Variants in BAP1 observed in about 807,000 individuals in gnomAD.
The protein encoded by BAP1 is BRCA1 associated deubiquitinase 1, also known as ubiquitin carboxyl-terminal hydrolase BAP1.
A neutral mutation model predicts 77.2 loss-of-function variants in BAP1; 16 were observed. The observed-to-expected ratio is 0.21, with a 90% CI of 0.14 to 0.31. BAP1 has a LOEUF of 0.31. Among genes scored for constraint, BAP1 ranks in the 10% least tolerant of loss-of-function variants. The pLI is 1.00. For missense variants in BAP1, 699 were observed against 967.3 expected, an observed-to-expected ratio of 0.72 and a Z score of 3.68; for synonymous variants, 362 against 385.2, an observed-to-expected ratio of 0.94 and a Z score of 0.71.
chr3:52,401,949 G>A lies in BAP1; in HGVS notation c.*339C>T, dbSNP rs1024354241. 4.5e-6 allele frequency: 2 copies of A among 445,436 alleles called. No individual in the cohort carries two copies. Among genetic ancestry groups the A allele is most frequent in the African/African-American group, 3.9e-5 (2 of 51,564 alleles). The allele number at this position is 445,436 out of a possible 1,614,324, so 27.6% of individuals were successfully genotyped here. On this transcript the variant is annotated 3_prime_UTR_variant, in exon 17 of 17. Coordinates refer to ENST00000460680, the MANE Select transcript of BAP1 (RefSeq NM_004656.4). The stretch of plus-strand genomic sequence containing the variant: ...CAACATGGTGGCATGTTGGGTTGGA[G>A]CCCAGAAAAATAGATGTCTCTGATA...
In BAP1 at chr3:52,402,765, G is replaced by A. The variant is rs771378046; in HGVS notation, c.1983+14C>T. 1.2e-6 allele frequency: 2 copies of A among 1,614,210 alleles called. No individual in the cohort carries two copies. The highest frequency in any genetic ancestry group is 1.7e-6 in the Non-Finnish European group (2 of 1,180,040). ...CGGGAGAGGCCAGATCAGGCAACTG[G>A]AGAAATCACCCACCTTGAACTTCTT... On this transcript the variant is annotated intron_variant, in intron 15 of 16. Transcript: ENST00000460680. This position sits in a 1 kb window ranked among gnomAD's most constrained non-coding sequence, Gnocchi z 5.3.
rs753373047 is a variant in BAP1 at position 52,403,608 on chromosome 3, A to G, written c.1537T>C (p.Ser513Pro). Reference sequence around the variant, plus strand: ...CTGGAGGGCCGCGTCGGGTTGGCTGAGCGGATAGGCGAGCGCAGTGGCGAG... The same window carrying G: ...CTGGAGGGCCGCGTCGGGTTGGCTGGGCGGATAGGCGAGCGCAGTGGCGAG... ...FNSPLRSPIR[S>P]ANPTRPSSPV... Residue 513 changes from serine to proline, a missense_variant, in exon 13 of 17, where the codon TCA becomes CCA. By Grantham distance (74) the Ser-to-Pro change is moderately conservative. This residue lies in a region of BAP1 where 475 missense variants were observed against 532.4 expected (regional missense o/e 0.89). Coordinates refer to ENST00000460680, the MANE Select transcript of BAP1 (RefSeq NM_004656.4). The surrounding 1 kb of genome is among the most constrained non-coding windows in gnomAD (Gnocchi z 4.0). The G allele has an allele frequency of 1.2e-6, 2 of 1,614,138 alleles. No individual in the cohort carries two copies. The highest frequency in any genetic ancestry group is 2.2e-5 in the South Asian group (2 of 91,082).
In BAP1 at chr3:52,409,762, G is replaced by A. The variant is rs774185001; in HGVS notation, c.38-19C>T. 1 of 1,613,740 alleles carries A rather than the reference G, an allele frequency of 6.2e-7. No homozygotes were observed. Among genetic ancestry groups the A allele is most frequent in the Non-Finnish European group, 8.5e-7 (1 of 1,179,898 alleles). ...AAGAGGCCTGGGTGGGGCGACAAGA[G>A]GAGGGGGTGATGGTCAGGCAGGCGC... is the stretch of plus-strand genomic sequence containing the variant. On this transcript the variant is annotated intron_variant, in intron 1 of 16. Transcript: ENST00000460680.
intron 10 of BAP1, chr3:52,405,502 A>C (rs1162444278): frequency 5.4e-5 from 32 of 595,692 alleles, no homozygotes; most frequent in East Asian, 3.9e-4. Flanking sequence ...GAAAAAAAAA[A>C]AAAAAAAAAA....
chr3:52,409,765 G>A (rs372533362), intron 1 of BAP1, 22 bp from the exon 2 acceptor site: 1 of 1,613,686 alleles, frequency 6.2e-7, no homozygotes, highest in African/African-American at 1.3e-5. Flanking sequence ...GACAAGAGGA[G>A]GGGGTGATGG....
chr3:52,408,613 G>A lies in BAP1; in HGVS notation c.123-7C>T, dbSNP rs1377492822. 1 of 1,607,970 alleles carries A rather than the reference G, an allele frequency of 6.2e-7. No individual in the cohort carries two copies. Among genetic ancestry groups the A allele is most frequent in the Non-Finnish European group, 8.5e-7 (1 of 1,177,272 alleles). ...GATAAATCCATATACAGGGCTGGGG[G>A]AAGTAAGGGGCAGAGCCAGATCAGC... is the stretch of plus-strand genomic sequence containing the variant. On this transcript the variant is annotated splice_region_variant and splice_polypyrimidine_tract_variant and intron_variant, in intron 3 of 16. Transcript: ENST00000460680.
chr3:52,409,460 G>T, intron 3 of BAP1, 94 bp downstream of exon 3: 3 of 1,509,102 alleles, frequency 2.0e-6, no homozygotes, highest in Non-Finnish European at 2.8e-6. Flanking sequence ...ACAACGTAGG[G>T]TTCCTGGCAC....
Position 52,402,831 on chromosome 3 carries a change from G to A in BAP1, c.1931C>T (p.Ala644Val), listed in dbSNP as rs551399575. 44 of 1,614,070 alleles carry A rather than the reference G, an allele frequency of 2.7e-5. No homozygotes were observed. Among genetic ancestry groups the A allele is most frequent in the Non-Finnish European group, 3.7e-5 (44 of 1,180,042 alleles). Residue 644 changes from alanine (A) to valine (V), a missense_variant, in exon 15 of 17, where the codon GCA (alanine) becomes GTA (valine). Physicochemically the swap from Ala to Val is moderately conservative, Grantham distance 64 (BLOSUM62 0). This residue lies in a region of BAP1 where 475 missense variants were observed against 532.4 expected (regional missense o/e 0.89). Coordinates refer to ENST00000460680, the MANE Select transcript of BAP1 (RefSeq NM_004656.4). The surrounding 1 kb of genome is among the most constrained non-coding windows in gnomAD (Gnocchi z 5.3). ...CTCCTTGAGGCACGCCTCATAGTTT[G>A]CAATCTCAGCCTCCACACACTTCAG... ...ALLKCVEAEI[A>V]NYEACLKEEV...
Position 52,402,529 on chromosome 3 carries a change from G to T in BAP1, c.2056+73C>A, listed in dbSNP as rs1275401835. 1.9e-6 allele frequency: 3 copies of T among 1,612,086 alleles called. No individual in the cohort carries two copies. Among genetic ancestry groups the T allele is most frequent in the Non-Finnish European group, 2.5e-6 (3 of 1,178,606 alleles). ...AAGGTCTGCTCAAGCCTCAGGAGAG[G>T]CCAGGGGAGGGGAGCTGAAGGACAC... is the stretch of plus-strand genomic sequence containing the variant. On this transcript the variant is annotated intron_variant, in intron 16 of 16. Coordinates refer to ENST00000460680, the MANE Select transcript of BAP1 (RefSeq NM_004656.4). The surrounding 1 kb of genome is among the most constrained non-coding windows in gnomAD (Gnocchi z 5.3).
rs761912129 is a variant in BAP1 at position 52,409,763 on chromosome 3, G to A, written c.38-20C>T. On this transcript the variant is annotated intron_variant, in intron 1 of 16. Transcript: ENST00000460680. The stretch of plus-strand genomic sequence containing the variant: ...AGAGGCCTGGGTGGGGCGACAAGAG[G>A]AGGGGGTGATGGTCAGGCAGGCGCG... 3 of 1,613,766 alleles carry A rather than the reference G, an allele frequency of 1.9e-6. No homozygotes were observed. The highest frequency in any genetic ancestry group is 1.1e-5 in the South Asian group (1 of 91,074).
chr3:52,403,862 GC>G lies in BAP1; in HGVS notation c.1282del (p.Ala428HisfsTer2). ...YKGKGTGKPG[A>X]LSGSADGQLS... is the part of the protein sequence containing the mutation. Reference sequence around the variant, plus strand: ...TTGCCCATCAGCAGAACCGCTCAATGCCCCTGGCTTCCCTGTTCCCTTCCCC... The same window carrying G: ...TTGCCCATCAGCAGAACCGCTCAATGCCCTGGCTTCCCTGTTCCCTTCCCC... On this transcript the variant is annotated frameshift_variant, in exon 13 of 17. Transcript: ENST00000460680. LOFTEE classifies it high-confidence loss of function. This position sits in a 1 kb window ranked among gnomAD's most constrained non-coding sequence, Gnocchi z 4.0. 6.2e-7 allele frequency: 1 copy of G among 1,614,092 alleles called. No individual in the cohort carries two copies. Among genetic ancestry groups the G allele is most frequent in the Non-Finnish European group, 8.5e-7 (1 of 1,180,020 alleles).
At position 52,408,012 on chromosome 3, in the gene BAP1, G is replaced by C. The variant is rs1705220829; in HGVS notation, c.321C>G (p.Asp107Glu). 6.2e-7 allele frequency: 1 copy of C among 1,613,912 alleles called. No homozygotes were observed. The highest frequency in any genetic ancestry group is 1.1e-5 in the South Asian group (1 of 90,992). The part of the protein sequence containing the change: ...LSVLLNCSSV[D>E]LGPTLSRMKD... Reference sequence around the variant, plus strand: ...TCATGCGACTCAGGGTGGGTCCCAGGTCCACGCTGCTGCAGTTCAGGAGCA... The same window carrying C: ...TCATGCGACTCAGGGTGGGTCCCAGCTCCACGCTGCTGCAGTTCAGGAGCA... Residue 107 changes from aspartate to glutamate, a missense_variant, in exon 5 of 17, where the codon GAC becomes GAG. Physicochemically the swap from Asp to Glu is conservative, Grantham distance 45 (BLOSUM62 2). This residue lies in a region of BAP1 where 160 missense variants were observed against 322.8 expected (regional missense o/e 0.50). Transcript: ENST00000460680.
chr3:52,409,517 T>C (rs781517578), intron 3 of BAP1, 37 bp downstream of exon 3: 3 of 1,613,396 alleles, frequency 1.9e-6, no homozygotes, highest in East Asian at 2.2e-5. Flanking sequence ...CCCAGCACTC[T>C]GGGTGTAAGG....
rs1407261660 is a variant in BAP1, at chr3:52,406,845, C to T, written c.643G>A (p.Gly215Ser). Residue 215 changes from glycine (G) to serine (S), a missense_variant, in exon 8 of 17, where the codon GGC (glycine) becomes AGC (serine). Around this residue, in one of 3 missense-constraint regions of BAP1, gnomAD observed 160 missense variants for 322.8 expected, o/e 0.50. Coordinates refer to ENST00000460680, the MANE Select transcript of BAP1 (RefSeq NM_004656.4). The surrounding 1 kb of genome is among the most constrained non-coding windows in gnomAD (Gnocchi z 4.6). The stretch of plus-strand genomic sequence containing the variant: ...GGCCCTTACCCTGCAGTGGCGAGGC[C>T]GATACGCTCCATGATGACCCGCCGG... ...KARRVIMERIGLATAGEPYHD... is the reference protein window; with the variant it reads ...KARRVIMERISLATAGEPYHD... The T allele has an allele frequency of 6.4e-7, 1 of 1,559,038 alleles. No individual in the cohort carries two copies.
rs549585391 is a variant in BAP1 at position 52,406,670 on chromosome 3, C to T, written c.659+159G>A. On this transcript the variant is annotated intron_variant, in intron 8 of 16. Coordinates refer to ENST00000460680, the MANE Select transcript of BAP1 (RefSeq NM_004656.4). This position sits in a 1 kb window ranked among gnomAD's most constrained non-coding sequence, Gnocchi z 4.6. ...AGGAGCAGGCCACAGGCAGCCCAGG[C>T]AGGAAATAAGACAACAAGTTGAGAA... The T allele has an allele frequency of 2.5e-4, 253 of 994,602 alleles. 3 individuals are homozygous for T. In the South Asian group the frequency reaches 3.7e-3, roughly 14 times the overall value. 61.6% of individuals were successfully genotyped at this position (994,602 alleles called of 1,614,324 possible).
chr3:52,409,030 A>C (rs1426603896), intron 3 of BAP1, among the ~76,000 whole-genome samples: 3 of 152,238 alleles, frequency 2.0e-5, no homozygotes, highest in African/African-American at 7.2e-5. Flanking sequence ...CACCCACACC[A>C]GTCTCTTTTG....
In BAP1 at chr3:52,407,292, C is replaced by T; in HGVS notation, c.462G>A (p.Glu154=). 6.2e-7 allele frequency: 1 copy of T among 1,614,166 alleles called. No homozygotes were observed. Among genetic ancestry groups the T allele is most frequent in the Non-Finnish European group, 8.5e-7 (1 of 1,180,030 alleles). Residue 154 remains glutamate (E), a synonymous_variant, in exon 7 of 17, where the codon GAG becomes GAA. Coordinates refer to ENST00000460680, the MANE Select transcript of BAP1 (RefSeq NM_004656.4). ...GCACTGCACTAAGGCCATTCTGCTTCTCAGGGAGGTGGCGTGGCTCGGGCC... is the reference window on the plus strand; with the variant it reads ...GCACTGCACTAAGGCCATTCTGCTTTTCAGGGAGGTGGCGTGGCTCGGGCC... ...HARPEPRHLP[E]KQNGLSAVRT... is the part of the protein sequence containing the mutation.
At chr3:52,409,164 TG>T (rs1705269692) in intron 3 of BAP1, among the ~76,000 whole-genome samples, 1 of 152,210 alleles carries the variant, frequency 6.6e-6, no homozygotes, top group Non-Finnish European at 1.5e-5. Context: ...GGAGGGGCCT[TG>T]TCACCCCAAC....
chr3:52,406,643 C>G lies in BAP1; in HGVS notation c.659+186G>C. ...GAGGCCTGCCCCTCCCCCAGCCCACCCAGGAGCAGGCCACAGGCAGCCCAG... is the reference window on the plus strand; with the variant it reads ...GAGGCCTGCCCCTCCCCCAGCCCACGCAGGAGCAGGCCACAGGCAGCCCAG... On this transcript the variant is annotated intron_variant, in intron 8 of 16. Transcript: ENST00000460680. This position sits in a 1 kb window ranked among gnomAD's most constrained non-coding sequence, Gnocchi z 4.6. 2 of 894,568 alleles carry G rather than the reference C, an allele frequency of 2.2e-6. No homozygotes were observed. Among genetic ancestry groups the G allele is most frequent in the East Asian group, 5.3e-5 (2 of 37,870 alleles). 55.4% of individuals were successfully genotyped at this position (894,568 alleles called of 1,614,324 possible). A position where few individuals can be genotyped will look rare whatever the true frequency, so the allele number is the denominator to read the frequency against.
Sources: gnomAD v4.1 joint callset for allele counts (sites outside exome capture counted in the v4.1 genomes callset) on GRCh38, gnomAD v4.1.1 for gene constraint, gnomAD v4.1.1 regional missense constraint, Gnocchi (gnomAD v3.1) non-coding constraint, MANE v1.5 for transcripts, NCBI Gene and HGNC (gene_info 2026-07-23, HGNC 2026-07-21) for gene names.